The following PLAAT5 variants were observed in gnomAD, a reference collection of about 807,000 sequenced individuals.
PLAAT5 encodes Ca(2+)-independent N-acyltransferase.
A neutral mutation model predicts 27.8 loss-of-function variants in PLAAT5; 27 were observed. The ratio of observed to expected loss-of-function variants is 0.97; its 90% confidence interval spans 0.72 to 1.34. The LOEUF (loss-of-function observed/expected upper bound fraction) is 1.34. Ranked by LOEUF, PLAAT5 falls within the 40% of genes most tolerant of loss-of-function variation. The pLI is 0.00. For synonymous variants in PLAAT5, 125 were observed against 136.1 expected (o/e 0.92, Z 0.57); for missense variants, 368 against 343.8 (o/e 1.07, Z -0.56).
intron 3 of PLAAT5, among the ~76,000 whole-genome samples, chr11:63,471,414 C>G (rs1419454980): frequency 6.6e-6 from 1 of 152,106 alleles, no homozygotes; most frequent in Non-Finnish European, 1.5e-5. Flanking sequence ...TAATTTAATT[C>G]TCAAATTACT....
chr11:63,475,816 TC>T (rs1057100542), intron 3 of PLAAT5, among the ~76,000 whole-genome samples: 65 of 152,230 alleles, frequency 4.3e-4, no homozygotes, highest in African/African-American at 1.4e-3. Context: ...ACAATGTGCA[TC>T]TTGACTTATT....
chr11:63,483,649 A>AG (rs1285625832), intron 3 of PLAAT5, among the ~76,000 whole-genome samples: 8 of 132,234 alleles, frequency 6.0e-5, no homozygotes, highest in Non-Finnish European at 1.1e-4. Flanking sequence ...GCCTACACCA[A>AG]AAAAAAAAAA....
Position 63,491,011 on chromosome 11 carries a change from C to T in PLAAT5, c.24G>A (p.Glu8=), listed in dbSNP as rs1321466493. The change falls in exon 1 of 6, where the codon GAG becomes GAA. Residue 8 remains glutamate, a synonymous_variant. Coordinates refer to ENST00000540857, the MANE Select transcript of PLAAT5 (RefSeq NM_001146729.2). ...TAGGGAGGCGGAGCGCGTACTCCCC[C>T]TCGGCGCCCGGGCTCAGGCCCATCC... MGLSPGA[E]GEYALRLPRI... is the part of the protein sequence containing the mutation. 2.6e-6 allele frequency: 4 copies of T among 1,517,062 alleles called. No homozygotes were observed. Among genetic ancestry groups the T allele is most frequent in the Admixed American group, 2.1e-5 (1 of 47,656 alleles). 94.0% of individuals were successfully genotyped at this position (1,517,062 alleles called of 1,614,324 possible).
chr11:63,479,375 A>C (rs1205185510), intron 3 of PLAAT5, among the ~76,000 whole-genome samples: 1 of 152,252 alleles, frequency 6.6e-6, no homozygotes, highest in Non-Finnish European at 1.5e-5. Context: ...TAAATGGCAA[A>C]GGATCAGAGA....
intron 5 of PLAAT5, among the ~76,000 whole-genome samples, chr11:63,464,313 A>AT (rs1268764334): frequency 1.3e-5 from 2 of 152,232 alleles, no homozygotes; most frequent in Non-Finnish European, 2.9e-5. Context: ...TAGAAAAAAA[A>AT]TAGAATAATT....
At chr11:63,464,109 CAAGCCCCGGACACTAGAGAA>C (rs1031295952) in intron 5 of PLAAT5, among the ~76,000 whole-genome samples, 5 of 152,108 alleles carry the variant, frequency 3.3e-5, no homozygotes, top group African/African-American at 1.2e-4. Context: ...CAGGGCCCAC[CAAGCCCCGGACACTAGAGAA>C]AAGCCTCACA....
chr11:63,489,409 A>G (rs1475714688), intron 2 of PLAAT5, among the ~76,000 whole-genome samples: 2 of 152,190 alleles, frequency 1.3e-5, no homozygotes, highest in African/African-American at 4.8e-5. Context: ...AGAAAGCTTG[A>G]TAAGCCACAA....
chr11:63,482,588 C>T (rs898461453), intron 3 of PLAAT5, among the ~76,000 whole-genome samples: 45 of 152,086 alleles, frequency 3.0e-4, no homozygotes, highest in African/African-American at 1.0e-3. Flanking sequence ...ACAACTAAGC[C>T]AGCACTACAA....
intron 5 of PLAAT5, among the ~76,000 whole-genome samples, chr11:63,464,132 G>C (rs1020728121): frequency 6.6e-6 from 1 of 152,118 alleles, no homozygotes. Flanking sequence ...CTAGAGAAAA[G>C]CCTCACAAGA....
chr11:63,482,707 A>G (rs1202617606), intron 3 of PLAAT5, among the ~76,000 whole-genome samples: 1 of 152,224 alleles, frequency 6.6e-6, no homozygotes, highest in Admixed American at 6.5e-5. Flanking sequence ...ATTTTTAAAA[A>G]AAAAGATATT....
rs1343158791 is a variant in PLAAT5, at chr11:63,462,276, A to G, written c.*1227T>C. 1 of 152,244 alleles carries G rather than the reference A, an allele frequency of 6.6e-6. No homozygotes were observed. The highest frequency in any genetic ancestry group is 6.5e-5 in the Admixed American group (1 of 15,286). The allele number at this position is 152,244 out of a possible 1,614,324, so 9.4% of individuals were successfully genotyped here. A position where few individuals can be genotyped will look rare whatever the true frequency, so the allele number is the denominator to read the frequency against. On this transcript the variant is annotated 3_prime_UTR_variant, in exon 6 of 6. Coordinates refer to ENST00000540857, the MANE Select transcript of PLAAT5 (RefSeq NM_001146729.2). ...TGAAGGAAGAGGTATTGGGAACTCAACTGATTCTCAGGCAGGGGAGTGTGA... is the reference window on the plus strand; with the variant it reads ...TGAAGGAAGAGGTATTGGGAACTCAGCTGATTCTCAGGCAGGGGAGTGTGA...
Position 63,468,111 on chromosome 11 carries a change from G to T in PLAAT5, c.454+246C>A, listed in dbSNP as rs144603922. Among the ~76,000 whole-genome samples the T allele has an allele frequency of 1.6e-3, 240 of 152,212 alleles. 4 individuals carry two copies. The highest frequency in any genetic ancestry group is 5.4e-3 in the African/African-American group (226 of 41,548). On this transcript the variant is annotated intron_variant, in intron 4 of 5. Transcript: ENST00000540857. ...TAAAATGTGTGTATTTAAACAAAGGGCCCTCTAGGAGGTCAGGGAACTTGG... is the reference window on the plus strand; with the variant it reads ...TAAAATGTGTGTATTTAAACAAAGGTCCCTCTAGGAGGTCAGGGAACTTGG...
chr11:63,466,472 G>A, intron 4 of PLAAT5, 100 bp from the exon 5 acceptor site: 5 of 1,195,250 alleles, frequency 4.2e-6, no homozygotes, highest in Non-Finnish European at 5.8e-6. Flanking sequence ...GAGTCTCATT[G>A]GCACCATCAG....
intron 3 of PLAAT5, among the ~76,000 whole-genome samples, chr11:63,476,035 A>G (rs146682176): frequency 6.6e-6 from 1 of 152,200 alleles, no homozygotes; most frequent in East Asian, 1.9e-4. Context: ...AAGTATACTT[A>G]TGGTCATTTA....
chr11:63,474,570 G>A (rs905780260), intron 3 of PLAAT5, among the ~76,000 whole-genome samples: 8 of 151,922 alleles, frequency 5.3e-5, no homozygotes, highest in Non-Finnish European at 1.2e-4. Context: ...TTCTTGGTTA[G>A]TGTAGCTAAA....
intron 3 of PLAAT5, among the ~76,000 whole-genome samples, chr11:63,472,324 C>G (rs1040503381): frequency 7.9e-5 from 12 of 152,326 alleles, no homozygotes; most frequent in African/African-American, 2.9e-4. Context: ...TTTACATGAG[C>G]AGCGTAATGC....
At chr11:63,469,523 G>C in intron 3 of PLAAT5, 1 of 241,302 alleles carries the variant, frequency 4.1e-6, no homozygotes, top group Admixed American at 4.1e-5. Context: ...GGGTATAAAA[G>C]ATTCATTCCC....
intron 1 of PLAAT5, 56 bp downstream of exon 1, chr11:63,490,831 G>C (rs991431072): frequency 1.7e-5 from 26 of 1,505,142 alleles, no homozygotes; most frequent in Non-Finnish European, 2.3e-5. Context: ...GTAACCGCCC[G>C]CTGGGACCTG....
intron 3 of PLAAT5, among the ~76,000 whole-genome samples, chr11:63,486,654 CAGAAG>C (rs1332227022): frequency 1.3e-5 from 2 of 151,838 alleles, no homozygotes; most frequent in Non-Finnish European, 2.9e-5. Flanking sequence ...TTTAGGGACT[CAGAAG>C]GGAAGGGTGG....
Sources: gnomAD v4.1 joint callset for allele counts (sites outside exome capture counted in the v4.1 genomes callset) on GRCh38, gnomAD v4.1.1 for gene constraint, MANE v1.5 for transcripts, NCBI Gene and HGNC (gene_info 2026-07-23, HGNC 2026-07-21) for gene names.